The following ABTB3 variants were observed in gnomAD, a reference collection of about 807,000 sequenced individuals.
ABTB3 encodes the protein ankyrin repeat and BTB domain containing 3.
chr12:107,653,959 G>T, the ABTB3 span, among the ~76,000 whole-genome samples: 1 of 152,148 alleles, frequency 6.6e-6, no homozygotes, highest in African/African-American at 2.4e-5. Context: ...CCCTCCCCCA[G>T]GCCCGGGTAT....
chr12:107,595,714 A>G, the ABTB3 span, among the ~76,000 whole-genome samples: 8 of 152,296 alleles, frequency 5.3e-5, no homozygotes, highest in South Asian at 1.7e-3. Context: ...ACTACTGACT[A>G]GCTGTGTGAC....
chr12:107,460,007 AG>A, the ABTB3 span, among the ~76,000 whole-genome samples: 2 of 152,232 alleles, frequency 1.3e-5, no homozygotes, highest in South Asian at 4.1e-4. Context: ...CTGGGAAAAC[AG>A]GCTGGCTCCC....
chr12:107,547,714 T>C, the ABTB3 span, among the ~76,000 whole-genome samples: 2 of 152,214 alleles, frequency 1.3e-5, no homozygotes, highest in Non-Finnish European at 2.9e-5. Flanking sequence ...ATATAGTCCT[T>C]TAAATTTGAA....
chr12:107,639,515 G>A, the ABTB3 span, among the ~76,000 whole-genome samples: 1 of 152,114 alleles, frequency 6.6e-6, no homozygotes, highest in Non-Finnish European at 1.5e-5. Flanking sequence ...GGGAATAGAG[G>A]GAAATGGAAG....
chr12:107,357,739 C>T, the ABTB3 span, among the ~76,000 whole-genome samples: 1,090 of 152,334 alleles, frequency 7.2e-3, 12 homozygotes, highest in African/African-American at 0.025. Context: ...TCAGAGCGTG[C>T]GTGGCACCAC....
At chr12:107,603,697 C>T in the ABTB3 span, among the ~76,000 whole-genome samples, 3 of 152,086 alleles carry the variant, frequency 2.0e-5, no homozygotes, top group African/African-American at 7.2e-5. Flanking sequence ...CAAAAATAGA[C>T]AAATGGGATT....
At chr12:107,602,184 A>G in the ABTB3 span, among the ~76,000 whole-genome samples, 1 of 152,214 alleles carries the variant, frequency 6.6e-6, no homozygotes, top group East Asian at 1.9e-4. Context: ...GCATTCATCT[A>G]GCACTGACTC....
At chr12:107,566,035 G>A in the ABTB3 span, among the ~76,000 whole-genome samples, 2 of 152,014 alleles carry the variant, frequency 1.3e-5, no homozygotes, top group South Asian at 2.1e-4. Flanking sequence ...ATGTAAAATC[G>A]GTAACATCTA....
At chr12:107,374,416 T>C in the ABTB3 span, among the ~76,000 whole-genome samples, 1 of 151,984 alleles carries the variant, frequency 6.6e-6, no homozygotes, top group Non-Finnish European at 1.5e-5. Flanking sequence ...TCTCCTCATG[T>C]CCCCCTCCCA....
chr12:107,570,635 C>T, the ABTB3 span, among the ~76,000 whole-genome samples: 14,694 of 151,848 alleles, frequency 0.097, 813 homozygotes, highest in Middle Eastern at 0.12. Flanking sequence ...GATGTCAATC[C>T]ATTCTTGATG....
the ABTB3 span, among the ~76,000 whole-genome samples, chr12:107,624,929 T>C: frequency 6.6e-6 from 1 of 152,244 alleles, no homozygotes; most frequent in Non-Finnish European, 1.5e-5. Flanking sequence ...AGAGTGACTG[T>C]ACCCTTTTAC....
At chr12:107,564,284 A>C in the ABTB3 span, among the ~76,000 whole-genome samples, 1 of 152,150 alleles carries the variant, frequency 6.6e-6, no homozygotes, top group Non-Finnish European at 1.5e-5. Flanking sequence ...CCAGTCTTTA[A>C]GACTTCCCAT....
At chr12:107,478,734 T>C in the ABTB3 span, among the ~76,000 whole-genome samples, 1 of 152,032 alleles carries the variant, frequency 6.6e-6, no homozygotes, top group Non-Finnish European at 1.5e-5. Context: ...GAAACCCCTC[T>C]CATTTCACCC....
At chr12:107,409,829 G>T in the ABTB3 span, among the ~76,000 whole-genome samples, 1 of 152,118 alleles carries the variant, frequency 6.6e-6, no homozygotes. Flanking sequence ...AAACCTGCAC[G>T]TTCTGTACAT....
the ABTB3 span, among the ~76,000 whole-genome samples, chr12:107,412,489 C>T: frequency 2.0e-5 from 3 of 152,148 alleles, no homozygotes; most frequent in South Asian, 2.1e-4. Flanking sequence ...TTGCACTAAC[C>T]GAGGAACACG....
the ABTB3 span, among the ~76,000 whole-genome samples, chr12:107,405,387 A>C: frequency 6.6e-6 from 1 of 152,242 alleles, no homozygotes; most frequent in Non-Finnish European, 1.5e-5. Flanking sequence ...GGTCATGGTA[A>C]GGATCCAAGA....
chr12:107,528,563 T>G, the ABTB3 span, among the ~76,000 whole-genome samples: 1 of 152,196 alleles, frequency 6.6e-6, no homozygotes, highest in Admixed American at 6.5e-5. Flanking sequence ...TCTGTTCAGT[T>G]AGTGACTATT....
At chr12:107,584,278 G>A in the ABTB3 span, among the ~76,000 whole-genome samples, 69 of 152,274 alleles carry the variant, frequency 4.5e-4, no homozygotes, top group East Asian at 2.1e-3. Flanking sequence ...CTTACAGTCC[G>A]TGTGGTGTGT....
chr12:107,638,997 T>A, the ABTB3 span, among the ~76,000 whole-genome samples: 1 of 152,146 alleles, frequency 6.6e-6, no homozygotes, highest in Non-Finnish European at 1.5e-5. Context: ...CTGTGGGAAC[T>A]CAGCTGGGGC....
Sources: gnomAD v4.1 joint callset for allele counts (sites outside exome capture counted in the v4.1 genomes callset) on GRCh38, gnomAD v4.1.1 for gene constraint, MANE v1.5 for transcripts, NCBI Gene and HGNC (gene_info 2026-07-23, HGNC 2026-07-21) for gene names.